The following DDR2 variants were observed in gnomAD, a reference collection of about 807,000 sequenced individuals.
DDR2 encodes discoidin domain-containing receptor 2.
A neutral mutation model predicts 94.9 loss-of-function variants in DDR2; 27 were observed. The observed-to-expected ratio is 0.28, with a 90% confidence interval of 0.21 to 0.39. The LOEUF is 0.39. DDR2 is among the 10% of genes least tolerant of loss of function. The pLI is 1.00. For synonymous variants in DDR2, 382 were observed against 377.2 expected (o/e 1.01, Z -0.15); for missense variants, 783 against 1,076.0 (o/e 0.73, Z 3.81).
chr1:162,648,435 G>C (rs1192242976), intron 1 of DDR2, among the ~76,000 whole-genome samples: 1 of 152,000 alleles, frequency 6.6e-6, no homozygotes, highest in African/African-American at 2.4e-5. Context: ...TGCATAGATG[G>C]GTTTTCTGAC....
At chr1:162,731,008 C>T (rs1488266500) in intron 3 of DDR2, among the ~76,000 whole-genome samples, 1 of 152,242 alleles carries the variant, frequency 6.6e-6, no homozygotes, top group East Asian at 1.9e-4. Context: ...TCCCTCACCT[C>T]TCTGAGATTC....
chr1:162,652,995 A>G lies in DDR2; in HGVS notation c.-191-2216A>G, dbSNP rs1657776794. 1.3e-5 allele frequency among the ~76,000 whole-genome samples: 2 copies of G among 152,144 alleles called. 1 individual carries two copies. The highest frequency in any genetic ancestry group is 4.1e-4 in the South Asian group (2 of 4,820). Reference sequence around the variant, plus strand: ...GTGGCACACACCTGCAGTCCCAGCTACTTGGGAGGCTGAGGTAGGAGGATC... The same window carrying G: ...GTGGCACACACCTGCAGTCCCAGCTGCTTGGGAGGCTGAGGTAGGAGGATC... On this transcript the variant is annotated intron_variant, in intron 1 of 17. Transcript: ENST00000367921.
intron 2 of DDR2, among the ~76,000 whole-genome samples, chr1:162,662,124 G>A (rs866465463): frequency 2.0e-5 from 3 of 152,192 alleles, no homozygotes; most frequent in South Asian, 2.1e-4. Flanking sequence ...TGGTCAGAAT[G>A]TGAAGGTTTT....
intron 3 of DDR2, among the ~76,000 whole-genome samples, chr1:162,748,143 T>C (rs1396088162): frequency 2.6e-5 from 4 of 152,130 alleles, no homozygotes; most frequent in African/African-American, 7.2e-5. Flanking sequence ...CAAATTCACA[T>C]GTAACAATAT....
chr1:162,697,871 G>A lies in DDR2; in HGVS notation c.-27-21166G>A, dbSNP rs375401464. Among the ~76,000 whole-genome samples the A allele has an allele frequency of 1.1e-4, 16 of 152,296 alleles. No homozygotes were observed. The East Asian group carries it at 1.7e-3, about 17-fold the overall frequency. ...GGTCAGCTTTTAGATTTAAAGCCAG[G>A]CACCCTCATTCTAGAGCTTGTGGCT... On this transcript the variant is annotated intron_variant, in intron 2 of 17. Transcript: ENST00000367921.
chr1:162,707,410 C>T (rs1660711275), intron 2 of DDR2, among the ~76,000 whole-genome samples: 1 of 152,212 alleles, frequency 6.6e-6, no homozygotes, highest in Non-Finnish European at 1.5e-5. Context: ...CTTCCTGAGC[C>T]TTTGCCTCTT....
upstream of DDR2, among the ~76,000 whole-genome samples, chr1:162,631,187 TGTG>T (rs1656542892): frequency 8.7e-5 from 2 of 22,936 alleles, no homozygotes; most frequent in African/African-American, 1.9e-4. Flanking sequence ...CCTCATTGTG[TGTG>T]TGTGTGTGTG....
Position 162,776,206 on chromosome 1 carries a change from G to T in DDR2, c.2119G>T (p.Val707Phe), listed in dbSNP as rs2102198731. 1.9e-6 allele frequency: 3 copies of T among 1,613,846 alleles called. No homozygotes were observed. Among genetic ancestry groups the T allele is most frequent in the Non-Finnish European group, 2.5e-6 (3 of 1,179,942 alleles). ...GAAGTACCTTTCCTCTCTTAATTTT[G>T]TTCACCGAGATCTGGCCACACGAAA... ...GMKYLSSLNF[V>F]HRDLATRNCL... is the part of the protein sequence containing the mutation. Residue 707 changes from valine (V) to phenylalanine (F), a missense_variant, in exon 16 of 18, where the codon GTT becomes TTT. Val to Phe is a conservative substitution (Grantham distance 50). This residue lies in a region of DDR2 where 264 missense variants were observed against 428.2 expected (regional missense o/e 0.62). Coordinates refer to ENST00000367921, the MANE Select transcript of DDR2 (RefSeq NM_006182.4).
At chr1:162,665,941 G>C (rs1393943764) in intron 2 of DDR2, among the ~76,000 whole-genome samples, 1 of 152,080 alleles carries the variant, frequency 6.6e-6, no homozygotes, top group Non-Finnish European at 1.5e-5. Flanking sequence ...TTCATCTCTT[G>C]AATAACTCCT....
rs2102134265 is a variant in DDR2 at position 162,754,786 on chromosome 1, C to A, written c.348C>A (p.Pro116=). 1 of 1,614,070 alleles carries A rather than the reference C, an allele frequency of 6.2e-7. No individual in the cohort carries two copies. The highest frequency in any genetic ancestry group is 1.3e-5 in the African/African-American group (1 of 75,002). ...HAGGHGIEFA[P]MYKINYSRDG... ...GAGGTCATGGCATCGAGTTTGCCCC[C>A]ATGTACAAGATCAATTACAGTCGGG... The change falls in exon 5 of 18, where the codon CCC becomes CCA. Residue 116 remains proline, a synonymous_variant. Coordinates refer to ENST00000367921, the MANE Select transcript of DDR2 (RefSeq NM_006182.4).
chr1:162,767,127 C>A, intron 10 of DDR2, 102 bp from the exon 11 acceptor site: 1 of 1,548,930 alleles, frequency 6.5e-7, no homozygotes, highest in Non-Finnish European at 8.9e-7. Context: ...CATAATTATC[C>A]TCAAGGAACA....
chr1:162,739,609 C>T (rs2102080452), intron 3 of DDR2, among the ~76,000 whole-genome samples: 1 of 152,278 alleles, frequency 6.6e-6, no homozygotes. Context: ...GCCTGGCCCA[C>T]ATTTTCTTTA....
Position 162,715,371 on chromosome 1 carries a change from T to C in DDR2, c.-27-3666T>C, listed in dbSNP as rs1661120108. On this transcript the variant is annotated intron_variant, in intron 2 of 17. Coordinates refer to ENST00000367921, the MANE Select transcript of DDR2 (RefSeq NM_006182.4). ...TTAGAGCATGTAACAATCAAGGGGA[T>C]GAGAGAATATTTTGCTGAGAAAGTG... Among the ~76,000 whole-genome samples, 7 of 152,062 alleles carry C rather than the reference T, an allele frequency of 4.6e-5. No individual in the cohort carries two copies. In the South Asian group the frequency reaches 1.5e-3, roughly 32 times the overall value.
At chr1:162,771,899 A>C (rs1190034642) in intron 12 of DDR2, 125 bp from the exon 13 acceptor site, 2 of 981,688 alleles carry the variant, frequency 2.0e-6, no homozygotes, top group African/African-American at 3.3e-5. Flanking sequence ...TTTCCAAGTA[A>C]GAATGTCATG....
At chr1:162,695,352 CA>C (rs1463314184) in intron 2 of DDR2, among the ~76,000 whole-genome samples, 8 of 152,174 alleles carry the variant, frequency 5.3e-5, no homozygotes, top group Non-Finnish European at 1.2e-4. Flanking sequence ...GTGTCTCAGG[CA>C]CCGAAGTAGC....
intron 2 of DDR2, among the ~76,000 whole-genome samples, chr1:162,717,253 C>T (rs1661214522): frequency 6.6e-6 from 1 of 152,156 alleles, no homozygotes; most frequent in African/African-American, 2.4e-5. Context: ...CCAGGCTGGT[C>T]TTGAACTCCT....
chr1:162,720,838 C>A (rs1458769216), intron 3 of DDR2, among the ~76,000 whole-genome samples: 1 of 152,114 alleles, frequency 6.6e-6, no homozygotes, highest in Non-Finnish European at 1.5e-5. Flanking sequence ...CTCTTCATAG[C>A]ATAAGGGTAC....
intron 2 of DDR2, among the ~76,000 whole-genome samples, chr1:162,699,393 A>G (rs1321056306): frequency 6.6e-6 from 1 of 152,168 alleles, no homozygotes; most frequent in Non-Finnish European, 1.5e-5. Flanking sequence ...CTACTTCCAA[A>G]TATCACCTGT....
intron 12 of DDR2, chr1:162,770,827 T>C: frequency 2.5e-6 from 1 of 402,512 alleles, no homozygotes; most frequent in Non-Finnish European, 4.7e-6. Flanking sequence ...TCATTTTACA[T>C]GTCGGGAAAG....
Sources: allele counts gnomAD v4.1 joint callset (sites outside exome capture counted in the v4.1 genomes callset), GRCh38; gene constraint gnomAD v4.1.1; regional missense constraint gnomAD v4.1.1; transcripts MANE v1.5; gene names NCBI Gene and HGNC (gene_info 2026-07-23, HGNC 2026-07-21).